SLC1A2: variants seen among roughly 807,000 people sequenced by gnomAD.
SLC1A2 encodes the protein solute carrier family 1 member 2, also known as excitatory amino acid transporter 2.
A neutral mutation model predicts 48.8 loss-of-function variants in SLC1A2; 15 were observed. The ratio of observed to expected loss-of-function variants is 0.31; its 90% CI spans 0.21 to 0.47. SLC1A2 has a LOEUF of 0.47. SLC1A2 is among the 20% of genes least tolerant of loss of function. The pLI is 0.99. For synonymous variants in SLC1A2, 279 were observed against 272.6 expected (o/e 1.02, Z -0.23); for missense variants, 502 against 730.5 (o/e 0.69, Z 3.61).
chr11:35,292,239 AG>A, intron 7 of SLC1A2, 47 bp downstream of exon 7: 1 of 1,338,668 alleles, frequency 7.5e-7, no homozygotes, highest in South Asian at 1.2e-5. Flanking sequence ...AATGGCAAAG[AG>A]GGCAAAAGAG....
At chr11:35,392,759 C>G (rs898977311) in intron 1 of SLC1A2, among the ~76,000 whole-genome samples, 17 of 152,278 alleles carry the variant, frequency 1.1e-4, no homozygotes, top group African/African-American at 4.1e-4. Flanking sequence ...TTAGGACCTC[C>G]CCTTCTGGAA....
At chr11:35,353,357 A>C (rs1050843683) in intron 1 of SLC1A2, among the ~76,000 whole-genome samples, 2 of 152,196 alleles carry the variant, frequency 1.3e-5, no homozygotes, top group African/African-American at 4.8e-5. Context: ...ACTCCTGCTC[A>C]TCCTTCCAAT....
intron 1 of SLC1A2, among the ~76,000 whole-genome samples, chr11:35,352,920 A>G (rs892121738): frequency 6.6e-6 from 1 of 152,220 alleles, no homozygotes; most frequent in Non-Finnish European, 1.5e-5. Context: ...GAGATGGCCA[A>G]TGAAAACTGT....
chr11:35,251,570 C>T lies in SLC1A2; in HGVS notation c.*9324G>A, dbSNP rs1431029663. On this transcript the variant is annotated 3_prime_UTR_variant, in exon 11 of 11. Coordinates refer to ENST00000278379, the MANE Select transcript of SLC1A2 (RefSeq NM_004171.4). ...ATGGGGATTGTGAATGTGAGGAATACAATTAGTTTTATCTTTTGTTCTGGA... is the reference window on the plus strand; with the variant it reads ...ATGGGGATTGTGAATGTGAGGAATATAATTAGTTTTATCTTTTGTTCTGGA... 1 of 152,268 alleles carries T rather than the reference C, an allele frequency of 6.6e-6. No individual in the cohort carries two copies. The highest frequency in any genetic ancestry group is 2.4e-5 in the African/African-American group (1 of 41,384). 9.4% of individuals were successfully genotyped at this position (152,268 alleles called of 1,614,324 possible).
chr11:35,352,599 T>C (rs1053375741), intron 1 of SLC1A2, among the ~76,000 whole-genome samples: 1 of 152,184 alleles, frequency 6.6e-6, no homozygotes, highest in Non-Finnish European at 1.5e-5. Flanking sequence ...CCAGTTCCCT[T>C]CTGCAAAGGA....
At chr11:35,287,309 G>C (rs1850856314) in intron 7 of SLC1A2, among the ~76,000 whole-genome samples, 1 of 151,124 alleles carries the variant, frequency 6.6e-6, no homozygotes, top group Non-Finnish European at 1.5e-5. Context: ...ACAAAAGCCA[G>C]CTATGTCAGA....
At chr11:35,375,859 C>T (rs1854209537) in intron 1 of SLC1A2, among the ~76,000 whole-genome samples, 1 of 152,164 alleles carries the variant, frequency 6.6e-6, no homozygotes, top group African/African-American at 2.4e-5. Context: ...CACCGTGACC[C>T]TAAGAATTGA....
At chr11:35,335,486 G>A (rs1035401847) in intron 1 of SLC1A2, among the ~76,000 whole-genome samples, 2 of 152,184 alleles carry the variant, frequency 1.3e-5, no homozygotes, top group African/African-American at 4.8e-5. Flanking sequence ...ACCTCAGACT[G>A]TGTTGATGAT....
intron 9 of SLC1A2, among the ~76,000 whole-genome samples, chr11:35,270,167 G>A (rs3794103): frequency 0.37 from 55,612 of 151,996 alleles, 10,517 homozygotes; most frequent in South Asian, 0.53. Context: ...GCAGATTGAT[G>A]CTTTTATTCT....
intron 7 of SLC1A2, among the ~76,000 whole-genome samples, chr11:35,290,545 G>C (rs1306991566): frequency 6.6e-6 from 1 of 151,928 alleles, no homozygotes; most frequent in Non-Finnish European, 1.5e-5. Context: ...AGAATAATTG[G>C]CAAAGCTCAT....
intron 1 of SLC1A2, among the ~76,000 whole-genome samples, chr11:35,384,428 C>G (rs1407470604): frequency 6.6e-6 from 1 of 152,142 alleles, no homozygotes; most frequent in Non-Finnish European, 1.5e-5. Context: ...AAGTAATGTA[C>G]AAATAATGAA....
intron 1 of SLC1A2, among the ~76,000 whole-genome samples, chr11:35,379,580 G>A (rs1053141958): frequency 3.3e-5 from 5 of 152,206 alleles, no homozygotes; most frequent in African/African-American, 9.7e-5. Flanking sequence ...CTCTCCATGA[G>A]AATCAGTCTA....
At chr11:35,349,836 A>G (rs148226566) in intron 1 of SLC1A2, among the ~76,000 whole-genome samples, 2 of 152,134 alleles carry the variant, frequency 1.3e-5, no homozygotes, top group African/African-American at 2.4e-5. Flanking sequence ...ACAGTTTAGT[A>G]ATTGAAAAGG....
chr11:35,354,155 T>C (rs533371185), intron 1 of SLC1A2, among the ~76,000 whole-genome samples: 1 of 152,196 alleles, frequency 6.6e-6, no homozygotes, highest in Admixed American at 6.5e-5. Flanking sequence ...CCTTCTGATA[T>C]AAAAAGAAAG....
intron 9 of SLC1A2, among the ~76,000 whole-genome samples, chr11:35,268,047 C>A (rs1355778662): frequency 6.6e-6 from 1 of 152,220 alleles, no homozygotes; most frequent in Non-Finnish European, 1.5e-5. Flanking sequence ...TGGAAGCCCT[C>A]AAAATCATCT....
At chr11:35,417,906 G>A (rs1855660625) in intron 1 of SLC1A2, among the ~76,000 whole-genome samples, 1 of 152,178 alleles carries the variant, frequency 6.6e-6, no homozygotes, top group Non-Finnish European at 1.5e-5. Context: ...AAATTTCTTA[G>A]GAGAAACTGG....
At chr11:35,335,174 G>A (rs6484782) in intron 1 of SLC1A2, among the ~76,000 whole-genome samples, 3,876 of 152,184 alleles carry the variant, frequency 0.025, 149 homozygotes, top group African/African-American at 0.088. Flanking sequence ...TGATGGGGGG[G>A]AAGTGTGTGT....
chr11:35,303,975 T>A (rs967185683), intron 5 of SLC1A2, among the ~76,000 whole-genome samples: 1 of 152,188 alleles, frequency 6.6e-6, no homozygotes, highest in Non-Finnish European at 1.5e-5. Context: ...ATTTCAGCCA[T>A]GATTTGTAAA....
rs1854051105 is a variant in SLC1A2 at position 35,371,190 on chromosome 11, G to A, written c.17+47760C>T. 9.6e-6 allele frequency: 4 copies of A among 416,928 alleles called. No individual in the cohort carries two copies. The South Asian group carries it at 3.0e-4, about 32-fold the overall frequency. The allele number at this position is 416,928 out of a possible 1,614,324, so 25.8% of individuals were successfully genotyped here. A position where few individuals can be genotyped will look rare whatever the true frequency, so the allele number is the denominator to read the frequency against. Reference sequence around the variant, plus strand: ...CTCACCCACTGTTGAAACTCTGAATGCAAGCCCCATTTCCTTGTTTCCCAT... The same window carrying A: ...CTCACCCACTGTTGAAACTCTGAATACAAGCCCCATTTCCTTGTTTCCCAT... On this transcript the variant is annotated intron_variant, in intron 1 of 10. Coordinates refer to ENST00000278379, the MANE Select transcript of SLC1A2 (RefSeq NM_004171.4).
Sources: allele counts gnomAD v4.1 joint callset (sites outside exome capture counted in the v4.1 genomes callset), GRCh38; gene constraint gnomAD v4.1.1; transcripts MANE v1.5; gene names NCBI Gene and HGNC (gene_info 2026-07-23, HGNC 2026-07-21).